OTUD7B: variants seen among roughly 807,000 people sequenced by gnomAD.
The protein encoded by OTUD7B is OTU domain-containing protein 7B.
In OTUD7B, 34 loss-of-function variants were observed where a neutral mutation model predicts 82.2. That is an observed-to-expected ratio of 0.41 (90% CI 0.31 to 0.55). OTUD7B has a LOEUF of 0.55. Among genes scored for constraint, OTUD7B ranks in the 20% least tolerant of loss-of-function variants. The pLI is 0.20. For missense variants in OTUD7B, 944 were observed against 1,062.1 expected, an observed-to-expected ratio of 0.89 and a Z score of 1.55; for synonymous variants, 398 against 402.7, an observed-to-expected ratio of 0.99 and a Z score of 0.14.
At chr1:149,982,352 C>G (rs1022585935) in intron 1 of OTUD7B, among the ~76,000 whole-genome samples, 4 of 152,090 alleles carry the variant, frequency 2.6e-5, no homozygotes, top group Non-Finnish European at 4.4e-5. Context: ...GGATGCATTA[C>G]TGATTCCTGG....
intron 1 of OTUD7B, among the ~76,000 whole-genome samples, chr1:149,984,196 T>A (rs929507822): frequency 1.3e-5 from 2 of 151,822 alleles, no homozygotes; most frequent in African/African-American, 4.8e-5. Flanking sequence ...CCAAGCCACA[T>A]CACCTCCCCT....
intron 1 of OTUD7B, among the ~76,000 whole-genome samples, chr1:149,997,469 A>AG (rs1162432227): frequency 6.6e-6 from 1 of 152,186 alleles, no homozygotes; most frequent in African/African-American, 2.4e-5. Context: ...ACTAAAAAAA[A>AG]GACTAATGGG....
the OTUD7B span, chr1:150,054,070 C>G: frequency 2.6e-6 from 1 of 381,110 alleles, no homozygotes; most frequent in Non-Finnish European, 4.9e-6. Flanking sequence ...AGGCCACGTG[C>G]AAGAGGAAGT....
chr1:149,971,531 A>G lies in OTUD7B; in HGVS notation c.86-280T>C, dbSNP rs190719179. On this transcript the variant is annotated intron_variant, in intron 2 of 11. Coordinates refer to ENST00000581312, the MANE Select transcript of OTUD7B (RefSeq NM_020205.4). ...TTAAAGATCTAGTAACCGAAAATTA[A>G]AACTTCCTTTTACAGATAAAGTCTA... Among the ~76,000 whole-genome samples, 759 of 152,288 alleles carry G rather than the reference A, an allele frequency of 5.0e-3. 4 individuals carry two copies. The highest frequency in any genetic ancestry group is 0.018 in the African/African-American group (730 of 41,540).
chr1:150,045,879 T>C, the OTUD7B span, among the ~76,000 whole-genome samples: 1 of 152,138 alleles, frequency 6.6e-6, no homozygotes, highest in Non-Finnish European at 1.5e-5. Context: ...GATATAAACA[T>C]CAATTTATAA....
the OTUD7B span, among the ~76,000 whole-genome samples, chr1:150,050,946 C>T: frequency 5.7e-3 from 858 of 149,668 alleles, 13 homozygotes; most frequent in African/African-American, 0.02. Flanking sequence ...AAGAAAAAAA[C>T]GGCTGGGTGC....
intron 1 of OTUD7B, among the ~76,000 whole-genome samples, chr1:149,981,191 G>A (rs954491053): frequency 2.0e-5 from 3 of 152,040 alleles, no homozygotes; most frequent in African/African-American, 7.2e-5. Context: ...TCAACTATTT[G>A]TTAACTGAAT....
chr1:149,971,292 G>A (rs1489733953), intron 2 of OTUD7B, 41 bp from the exon 3 acceptor site: 4 of 1,421,892 alleles, frequency 2.8e-6, no homozygotes, highest in Admixed American at 1.8e-5. Context: ...TGCAACCATA[G>A]TATAGAGACA....
At position 149,959,746 on chromosome 1, in the gene OTUD7B, C is replaced by G. The variant is rs1553775278; in HGVS notation, c.783G>C (p.Leu261=). 6.2e-7 allele frequency: 1 copy of G among 1,614,056 alleles called. No individual in the cohort carries two copies. ...GGGGTTCACTTGAGGCAAGCTTGAT[C>G]AGTTCATTCCACTCCTTCTGCCATT... The part of the protein sequence containing the change: ...EDEWQKEWNE[L]IKLASSEPRM... Residue 261 remains leucine, a synonymous_variant, in exon 7 of 12, where the codon CTG becomes CTC. Transcript: ENST00000581312.
the OTUD7B span, among the ~76,000 whole-genome samples, chr1:150,030,888 TTTTTTGAGAGAC>T: frequency 2.2e-4 from 34 of 152,288 alleles, no homozygotes; most frequent in African/African-American, 7.0e-4. Context: ...CTTGTTTTTG[TTTTTTGAGAGAC>T]TTTTGCTCTT....
chr1:150,046,693 C>G, the OTUD7B span, among the ~76,000 whole-genome samples: 1 of 150,584 alleles, frequency 6.6e-6, no homozygotes, highest in Non-Finnish European at 1.5e-5. Context: ...TCGTGATCCA[C>G]CCGCCTCGTC....
intron 4 of OTUD7B, 116 bp from the exon 5 acceptor site, chr1:149,965,994 C>T (rs1553776486): frequency 5.8e-6 from 4 of 689,282 alleles, no homozygotes; most frequent in African/African-American, 5.4e-5. Context: ...AGAATAAAAC[C>T]ATCACTTGAT....
At chr1:150,042,780 C>T in the OTUD7B span, among the ~76,000 whole-genome samples, 2 of 152,080 alleles carry the variant, frequency 1.3e-5, no homozygotes, top group Admixed American at 6.5e-5. Flanking sequence ...GTAAGGAATT[C>T]AGAATGTATC....
chr1:149,976,064 T>A (rs1203563662), intron 2 of OTUD7B, among the ~76,000 whole-genome samples: 1 of 151,824 alleles, frequency 6.6e-6, no homozygotes, highest in African/African-American at 2.4e-5. Context: ...AAAGTTGTAC[T>A]AAATTACTAA....
intron 7 of OTUD7B, among the ~76,000 whole-genome samples, chr1:149,954,569 G>GT (rs1648516090): frequency 6.6e-6 from 1 of 152,180 alleles, no homozygotes. Context: ...CATAAAATGA[G>GT]TTAGGGAGGA....
chr1:149,939,226 C>G lies in OTUD7B; in HGVS notation c.*4631G>C, dbSNP rs2092746955. ...GAGGGAGGTGGAGCTGAGTGACTCA[C>G]AAGATGAGTCACAGATCCAGTTATA... On this transcript the variant is annotated 3_prime_UTR_variant, in exon 12 of 12. Coordinates refer to ENST00000581312, the MANE Select transcript of OTUD7B (RefSeq NM_020205.4). 1 of 152,148 alleles carries G rather than the reference C, an allele frequency of 6.6e-6. No homozygotes were observed. The highest frequency in any genetic ancestry group is 2.1e-4 in the South Asian group (1 of 4,822). 9.4% of individuals were successfully genotyped at this position (152,148 alleles called of 1,614,324 possible).
chr1:150,055,541 T>C, the OTUD7B span, among the ~76,000 whole-genome samples: 2 of 152,214 alleles, frequency 1.3e-5, no homozygotes, highest in Non-Finnish European at 2.9e-5. Context: ...AATCCCATTA[T>C]TGGGTATATA....
intron 8 of OTUD7B, 141 bp downstream of exon 8, chr1:149,949,953 A>C (rs1270669349): frequency 7.7e-7 from 1 of 1,303,464 alleles, no homozygotes; most frequent in East Asian, 2.4e-5. Context: ...TCTCTTGAGA[A>C]TTTTGCACTA....
chr1:150,034,837 T>C, the OTUD7B span, among the ~76,000 whole-genome samples: 46 of 152,172 alleles, frequency 3.0e-4, no homozygotes, highest in East Asian at 7.5e-3. Context: ...TGTTTACTTA[T>C]GGGCCTTTAA....
Sources: allele counts gnomAD v4.1 joint callset (sites outside exome capture counted in the v4.1 genomes callset), GRCh38; gene constraint gnomAD v4.1.1; transcripts MANE v1.5; gene names NCBI Gene and HGNC (gene_info 2026-07-23, HGNC 2026-07-21).